Variants in GALNT15 observed in about 807,000 individuals in gnomAD.
GALNT15 encodes UDP-GalNAc transferase T15.
GALNT15 carries 67 observed loss-of-function variants against 66.8 expected under a neutral mutation model. The ratio of observed to expected loss-of-function variants is 1.00; its 90% CI spans 0.82 to 1.23. GALNT15 has a LOEUF of 1.23. Ranked by LOEUF, GALNT15 falls within the 50% of genes most tolerant of loss-of-function variation. The pLI, the probability that GALNT15 is intolerant of heterozygous loss-of-function variation, is 0.00. For missense variants in GALNT15, 827 were observed against 804.3 expected (o/e 1.03, Z -0.34); for synonymous variants, 313 against 311.5 (o/e 1.00, Z -0.05).
Position 16,219,854 on chromosome 3 carries a change from A to T in GALNT15, c.1525-56A>T, listed in dbSNP as rs1003008522. ...ACAGCAAAGGAATGGTGTCTGACCG[A>T]GGGTGTCTTTACAGTGGAATCTGGA... On this transcript the variant is annotated intron_variant, in intron 7 of 9. Coordinates refer to ENST00000339732, the MANE Select transcript of GALNT15 (RefSeq NM_054110.5). This position sits in a 1 kb window ranked among gnomAD's most constrained non-coding sequence, Gnocchi z 4.3. 6 of 1,371,334 alleles carry T rather than the reference A, an allele frequency of 4.4e-6. No individual in the cohort carries two copies. The African/African-American group carries it at 5.7e-5, about 13-fold the overall frequency. The allele number at this position is 1,371,334 out of a possible 1,614,324, so 84.9% of individuals were successfully genotyped here. A position where few individuals can be genotyped will look rare whatever the true frequency, so the allele number is the denominator to read the frequency against.
downstream of GALNT15, among the ~76,000 whole-genome samples, chr3:16,233,094 C>T (rs74394182): frequency 0.082 from 4,985 of 61,046 alleles, 420 homozygotes; most frequent in African/African-American, 0.15. Context: ...GATAATGCAT[C>T]TTTTTTTTTT....
chr3:16,232,473 T>TAA (rs1559698324), downstream of GALNT15, among the ~76,000 whole-genome samples: 573 of 43,850 alleles, frequency 0.013, 11 homozygotes, highest in Middle Eastern at 0.023. Flanking sequence ...TAAATAAATA[T>TAA]ATATATATAT....
At chr3:16,237,952 C>G in the GALNT15 span, among the ~76,000 whole-genome samples, 1 of 152,242 alleles carries the variant, frequency 6.6e-6, no homozygotes, top group Admixed American at 6.5e-5. This position sits in a 1 kb window ranked among gnomAD's most constrained non-coding sequence, Gnocchi z 4.2. Context: ...CACCTAATCT[C>G]TCTATCCAGA....
the GALNT15 span, among the ~76,000 whole-genome samples, chr3:16,238,506 G>A: frequency 6.6e-6 from 1 of 152,062 alleles, no homozygotes; most frequent in African/African-American, 2.4e-5. This position sits in a 1 kb window ranked among gnomAD's most constrained non-coding sequence, Gnocchi z 4.8. Flanking sequence ...AATAGTTGTT[G>A]TACTCAAGTT....
At chr3:16,218,835 G>GTA (rs2063908798) in intron 6 of GALNT15, among the ~76,000 whole-genome samples, 1 of 113,896 alleles carries the variant, frequency 8.8e-6, no homozygotes, top group African/African-American at 3.4e-5. Context: ...TTTTTTTTGC[G>GTA]AGGAAGTCTT....
the GALNT15 span, among the ~76,000 whole-genome samples, chr3:16,244,819 G>GGT: frequency 6.6e-6 from 1 of 151,640 alleles, no homozygotes; most frequent in Non-Finnish European, 1.5e-5. Context: ...CCCAAACTGA[G>GGT]GTCATATAAT....
chr3:16,218,886 C>A (rs1024077810), intron 6 of GALNT15, among the ~76,000 whole-genome samples: 1 of 142,662 alleles, frequency 7.0e-6, no homozygotes, highest in Non-Finnish European at 1.5e-5. Context: ...ACGATCTTGG[C>A]TCACTGTAGC....
At chr3:16,233,399 T>A (rs1276809067), downstream of GALNT15, among the ~76,000 whole-genome samples, 1 of 152,126 alleles carries the variant, frequency 6.6e-6, no homozygotes, top group Non-Finnish European at 1.5e-5. Flanking sequence ...CCAGCCAGGA[T>A]AATGTATCCT....
the GALNT15 span, among the ~76,000 whole-genome samples, chr3:16,239,473 A>G: frequency 1.3e-5 from 2 of 152,130 alleles, no homozygotes; most frequent in Non-Finnish European, 2.9e-5. The surrounding 1 kb of genome is among the most constrained non-coding windows in gnomAD (Gnocchi z 5.2). Flanking sequence ...TGTGCTCACA[A>G]TTCCTGGGTA....
chr3:16,232,021 C>A, downstream of GALNT15: 1 of 1,369,636 alleles, frequency 7.3e-7, no homozygotes, highest in Non-Finnish European at 9.6e-7. Context: ...ATAACTTGCC[C>A]AGATGCACCA....
intron 3 of GALNT15, among the ~76,000 whole-genome samples, chr3:16,205,184 A>G (rs1293274960): frequency 1.3e-5 from 2 of 152,350 alleles, no homozygotes; most frequent in Admixed American, 6.5e-5. Flanking sequence ...GGGAGAATTC[A>G]GAGCCTTCTG....
chr3:16,235,450 T>C (rs573830857), downstream of GALNT15, among the ~76,000 whole-genome samples: 41 of 152,286 alleles, frequency 2.7e-4, no homozygotes, highest in Non-Finnish European at 5.6e-4. Context: ...TATAGAAGTA[T>C]ACCATAGAAG....
At chr3:16,196,937 G>A (rs756027920) in intron 2 of GALNT15, among the ~76,000 whole-genome samples, 17 of 152,148 alleles carry the variant, frequency 1.1e-4, no homozygotes, top group African/African-American at 3.9e-4. Context: ...TTCTTTCTAC[G>A]GTCCTCACTC....
Position 16,204,430 on chromosome 3 carries a change from C to G in GALNT15, c.911+3607C>G, listed in dbSNP as rs1182242932. ...GTTGCACAGTGCGCAACTCCTGTAA[C>G]TGTTCATAGCAACCCTACATAGAGT... On this transcript the variant is annotated intron_variant, in intron 3 of 9. Transcript: ENST00000339732. This position sits in a 1 kb window ranked among gnomAD's most constrained non-coding sequence, Gnocchi z 4.5. Among the ~76,000 whole-genome samples the G allele has an allele frequency of 1.3e-5, 2 of 152,148 alleles. No homozygotes were observed. The highest frequency in any genetic ancestry group is 1.3e-4 in the Admixed American group (2 of 15,286).
downstream of GALNT15, among the ~76,000 whole-genome samples, chr3:16,233,099 T>C (rs1483114213): frequency 9.7e-5 from 10 of 103,252 alleles, 1 homozygote; most frequent in African/African-American, 3.9e-4. Context: ...TGCATCTTTT[T>C]TTTTTTTTTT....
downstream of GALNT15, among the ~76,000 whole-genome samples, chr3:16,233,094 C>CTTTTATTTTTTTTTTTTTTTTT (rs2064099745): frequency 1.6e-5 from 1 of 61,208 alleles, no homozygotes; most frequent in Non-Finnish European, 3.0e-5. Context: ...GATAATGCAT[C>CTTTTATTTTTTTTTTTTTTTTT]TTTTTTTTTT....
rs2063406766 is a variant in GALNT15 at position 16,176,066 on chromosome 3, A to G, written c.539+376A>G. Among the ~76,000 whole-genome samples, 1 of 151,974 alleles carries G rather than the reference A, an allele frequency of 6.6e-6. No homozygotes were observed. Among genetic ancestry groups the G allele is most frequent in the Admixed American group, 6.5e-5 (1 of 15,280 alleles). ...GGTCAAATGGCTTTATTTCTATAAC[A>G]CAGAAGGGAGGTTAGAGCAGACATT... On this transcript the variant is annotated intron_variant, in intron 1 of 9. Coordinates refer to ENST00000339732, the MANE Select transcript of GALNT15 (RefSeq NM_054110.5). The surrounding 1 kb of genome is among the most constrained non-coding windows in gnomAD (Gnocchi z 5.6).
chr3:16,225,725 AAAG>A lies in GALNT15; in HGVS notation c.1774-1623_1774-1621del, dbSNP rs1018453132. On this transcript the variant is annotated intron_variant, in intron 9 of 9. Coordinates refer to ENST00000339732, the MANE Select transcript of GALNT15 (RefSeq NM_054110.5). The surrounding 1 kb of genome is among the most constrained non-coding windows in gnomAD (Gnocchi z 4.4). Reference sequence around the variant, plus strand: ...ATAAATAAATAAAAGAAAAAGAAAAAAAGAAGAAAAAGATTTGTGGTACAACAT... The same window carrying A: ...ATAAATAAATAAAAGAAAAAGAAAAAAAGAAAAAGATTTGTGGTACAACAT... Among the ~76,000 whole-genome samples the A allele has an allele frequency of 6.6e-6, 1 of 151,930 alleles. No homozygotes were observed. The highest frequency in any genetic ancestry group is 2.1e-4 in the South Asian group (1 of 4,802).
chr3:16,192,518 C>T (rs1312938676), intron 1 of GALNT15, among the ~76,000 whole-genome samples: 1 of 152,136 alleles, frequency 6.6e-6, no homozygotes, highest in African/African-American at 2.4e-5. Context: ...TTTCTTTTCA[C>T]AGCCACCAGT....
Sources: gnomAD v4.1 joint callset for allele counts (sites outside exome capture counted in the v4.1 genomes callset) on GRCh38, gnomAD v4.1.1 for gene constraint, Gnocchi (gnomAD v3.1) non-coding constraint, MANE v1.5 for transcripts, NCBI Gene and HGNC (gene_info 2026-07-23, HGNC 2026-07-21) for gene names.